Variants in IMMP1L observed in about 807,000 individuals in gnomAD.
IMMP1L encodes mitochondrial inner membrane protease subunit 1.
IMMP1L carries 24 observed loss-of-function variants against 21.8 expected under a neutral mutation model. The ratio of observed to expected loss-of-function variants is 1.10; its 90% CI spans 0.80 to 1.55. The LOEUF (loss-of-function observed/expected upper bound fraction) is 1.55. Among genes scored for constraint, IMMP1L ranks in the 40% most tolerant of loss-of-function variants. The pLI is 0.00. For missense variants in IMMP1L, 195 were observed against 200.7 expected (o/e 0.97, Z 0.17); for synonymous variants, 46 against 62.8 (o/e 0.73, Z 1.26).
intron 4 of IMMP1L, chr11:31,449,124 T>C: frequency 4.1e-6 from 4 of 972,132 alleles, no homozygotes; most frequent in Non-Finnish European, 4.9e-6. Flanking sequence ...TTAGATACTC[T>C]AGTTGTAATA....
intron 4 of IMMP1L, among the ~76,000 whole-genome samples, chr11:31,439,282 T>C (rs1200010283): frequency 2.0e-5 from 3 of 152,228 alleles, no homozygotes; most frequent in African/African-American, 7.2e-5. Flanking sequence ...CATTTTTTTT[T>C]CTTCCAGACT....
intron 1 of IMMP1L, among the ~76,000 whole-genome samples, chr11:31,508,168 GAA>G (rs897341076): frequency 1.1e-4 from 16 of 149,124 alleles, no homozygotes; most frequent in African/African-American, 3.7e-4. Flanking sequence ...AAAAGTTGAA[GAA>G]AAAAAAAATT....
At chr11:31,489,574 A>G (rs924017446) in intron 1 of IMMP1L, among the ~76,000 whole-genome samples, 2 of 151,402 alleles carry the variant, frequency 1.3e-5, no homozygotes, top group African/African-American at 2.4e-5. Flanking sequence ...TAGTTGCATT[A>G]CTTATCATCT....
At chr11:31,453,063 C>T (rs949703719) in intron 4 of IMMP1L, 6 of 1,288,890 alleles carry the variant, frequency 4.7e-6, no homozygotes, top group Admixed American at 2.3e-5. Context: ...GCAACAGCAT[C>T]TTAATAGGAA....
chr11:31,434,565 A>G (rs750240881), intron 4 of IMMP1L, among the ~76,000 whole-genome samples: 3 of 152,174 alleles, frequency 2.0e-5, no homozygotes, highest in Non-Finnish European at 2.9e-5. Flanking sequence ...TATGAAGAAA[A>G]ATACACTACT....
In IMMP1L at chr11:31,463,264, C is replaced by A; in HGVS notation, c.13G>T (p.Val5Phe). 1.2e-6 allele frequency: 2 copies of A among 1,612,310 alleles called. No homozygotes were observed. Among genetic ancestry groups the A allele is most frequent in the Non-Finnish European group, 1.7e-6 (2 of 1,179,264 alleles). ...ACAAGTCGAAAGGTTTTCCCCAGAACACCACGAAGCATAGTTCTATGTAGA... is the reference window on the plus strand; with the variant it reads ...ACAAGTCGAAAGGTTTTCCCCAGAAAACCACGAAGCATAGTTCTATGTAGA... Reference protein sequence around the residue: MLRGVLGKTFRLVGY... With the variant: MLRGFLGKTFRLVGY... The change falls in exon 2 of 6, where the codon GTT becomes TTT. Residue 5 changes from valine to phenylalanine, a missense_variant. Val to Phe is a conservative substitution (Grantham distance 50, BLOSUM62 -1). Transcript: ENST00000532287.
chr11:31,466,153 A>T (rs972756838), intron 1 of IMMP1L, among the ~76,000 whole-genome samples: 2 of 152,148 alleles, frequency 1.3e-5, no homozygotes. Context: ...CAAATATATT[A>T]AAAAATGCTC....
intron 1 of IMMP1L, among the ~76,000 whole-genome samples, chr11:31,502,929 TCTC>T (rs1181648470): frequency 6.6e-6 from 1 of 152,208 alleles, no homozygotes; most frequent in African/African-American, 2.4e-5. Context: ...ACTTGACAAA[TCTC>T]CTTGAACTAA....
intron 1 of IMMP1L, among the ~76,000 whole-genome samples, chr11:31,508,822 A>T (rs985960096): frequency 4.6e-5 from 7 of 152,348 alleles, no homozygotes; most frequent in East Asian, 1.9e-4. Flanking sequence ...AAAAAAAATT[A>T]AATACAAAAA....
intron 3 of IMMP1L, among the ~76,000 whole-genome samples, chr11:31,457,507 A>G (rs555365287): frequency 6.6e-6 from 1 of 152,336 alleles, no homozygotes; most frequent in East Asian, 1.9e-4. Flanking sequence ...TAGTTTAATG[A>G]AGCATATGTC....
intron 1 of IMMP1L, among the ~76,000 whole-genome samples, chr11:31,500,998 A>G (rs910247175): frequency 3.9e-5 from 6 of 152,220 alleles, no homozygotes; most frequent in Admixed American, 1.3e-4. Context: ...AGCTGTTTAA[A>G]TAAATAACTT....
rs371752477 is a variant in IMMP1L, at chr11:31,434,940, G to C, written c.322-1370C>G. Among the ~76,000 whole-genome samples the C allele has an allele frequency of 2.8e-4, 42 of 152,248 alleles. No homozygotes were observed. In the East Asian group the frequency reaches 6.9e-3, roughly 25 times the overall value. ...AGTGTAAGACTGCTCTAGTAGGAAA[G>C]TGTGTACATCACAGTCATCAAAAAA... is the stretch of plus-strand genomic sequence containing the variant. On this transcript the variant is annotated intron_variant, in intron 4 of 5. Coordinates refer to ENST00000532287, the MANE Select transcript of IMMP1L (RefSeq NM_001304274.2).
At chr11:31,439,547 T>A (rs964298725) in intron 4 of IMMP1L, among the ~76,000 whole-genome samples, 3 of 152,202 alleles carry the variant, frequency 2.0e-5, no homozygotes, top group African/African-American at 4.8e-5. Flanking sequence ...TCTATTTAAC[T>A]GATTTACTTT....
At chr11:31,432,978 A>G (rs1001559358) in intron 5 of IMMP1L, among the ~76,000 whole-genome samples, 1 of 152,200 alleles carries the variant, frequency 6.6e-6, no homozygotes, top group East Asian at 1.9e-4. Context: ...CCATGTATTC[A>G]TGAATGTTTT....
At chr11:31,508,447 C>A (rs1275952579) in intron 1 of IMMP1L, among the ~76,000 whole-genome samples, 2 of 152,112 alleles carry the variant, frequency 1.3e-5, no homozygotes, top group Non-Finnish European at 2.9e-5. Context: ...TGAAAGCAAC[C>A]TTGATCAAAG....
At chr11:31,506,129 A>G (rs1409958831) in intron 1 of IMMP1L, among the ~76,000 whole-genome samples, 1 of 152,132 alleles carries the variant, frequency 6.6e-6, no homozygotes, top group Non-Finnish European at 1.5e-5. Flanking sequence ...GTACTGACAC[A>G]GTATTTTTTT....
chr11:31,481,945 T>G (rs1954904955), intron 1 of IMMP1L, among the ~76,000 whole-genome samples: 2 of 152,112 alleles, frequency 1.3e-5, no homozygotes, highest in African/African-American at 4.8e-5. Context: ...TTATGAATAC[T>G]ATTGCTTAAA....
intron 4 of IMMP1L, 58 bp downstream of exon 4, chr11:31,456,202 C>T (rs1371249110): frequency 3.3e-6 from 4 of 1,215,180 alleles, no homozygotes; most frequent in Non-Finnish European, 3.4e-6. Context: ...TTTGTCAGCA[C>T]TCAGTTAATG....
intron 1 of IMMP1L, among the ~76,000 whole-genome samples, chr11:31,506,975 C>A (rs774433571): frequency 6.7e-6 from 1 of 148,702 alleles, no homozygotes; most frequent in African/African-American, 2.5e-5. Context: ...AAACAAAAAA[C>A]AAACAAACAA....
Sources: allele counts gnomAD v4.1 joint callset (sites outside exome capture counted in the v4.1 genomes callset), GRCh38; gene constraint gnomAD v4.1.1; transcripts MANE v1.5; gene names NCBI Gene and HGNC (gene_info 2026-07-23, HGNC 2026-07-21).